DOCK5: variants seen among roughly 807,000 people sequenced by gnomAD.
The protein encoded by DOCK5 is dedicator of cytokinesis 5.
Under a neutral mutation model 251.8 loss-of-function variants are expected in DOCK5, and 142 were observed. That is an observed-to-expected ratio of 0.56 (90% CI 0.49 to 0.65). DOCK5 has a LOEUF of 0.65. Among genes scored for constraint, DOCK5 ranks in the 30% least tolerant of loss-of-function variants. DOCK5 has a pLI of 0.00. For missense variants in DOCK5, 2,111 were observed against 2,312.3 expected (o/e 0.91, Z 1.79); for synonymous variants, 842 against 835.5 (o/e 1.01, Z -0.13).
chr8:25,294,755 C>T (rs1804576675), intron 6 of DOCK5, among the ~76,000 whole-genome samples: 1 of 152,146 alleles, frequency 6.6e-6, no homozygotes, highest in Non-Finnish European at 1.5e-5. Flanking sequence ...GGTCTGTTGG[C>T]TGTACAGGCA....
At chr8:25,347,509 G>A (rs1041691467) in intron 26 of DOCK5, among the ~76,000 whole-genome samples, 3 of 152,036 alleles carry the variant, frequency 2.0e-5, no homozygotes, top group African/African-American at 4.8e-5. Context: ...CACCAAATAC[G>A]TAAATGTGAC....
intron 1 of DOCK5, among the ~76,000 whole-genome samples, chr8:25,218,736 G>A (rs1282363689): frequency 6.6e-6 from 1 of 152,240 alleles, no homozygotes; most frequent in Non-Finnish European, 1.5e-5. Context: ...GGACTGTCTT[G>A]TGTGGAGCCT....
chr8:25,222,787 C>T (rs539101869), intron 1 of DOCK5, among the ~76,000 whole-genome samples: 2 of 152,322 alleles, frequency 1.3e-5, no homozygotes, highest in East Asian at 1.9e-4. Flanking sequence ...TAGAGGCTGT[C>T]GGTCCTCAGC....
intron 1 of DOCK5, among the ~76,000 whole-genome samples, chr8:25,239,269 G>T (rs1187596806): frequency 2.0e-5 from 3 of 151,846 alleles, no homozygotes; most frequent in Non-Finnish European, 4.4e-5. Flanking sequence ...TTTGGGTCAG[G>T]CTTAGAGATC....
At chr8:25,364,853 G>T in intron 30 of DOCK5, 149 bp downstream of exon 30, 1 of 584,914 alleles carries the variant, frequency 1.7e-6, no homozygotes, top group Non-Finnish European at 3.0e-6. Flanking sequence ...ACATATGCCT[G>T]TCACACTGTC....
chr8:25,256,815 A>C (rs1434341590), intron 2 of DOCK5, among the ~76,000 whole-genome samples: 1 of 151,076 alleles, frequency 6.6e-6, no homozygotes, highest in Non-Finnish European at 1.5e-5. Context: ...GGCCCTGGTT[A>C]CTCAGTGCCA....
chr8:25,387,342 T>C (rs959395), intron 40 of DOCK5, among the ~76,000 whole-genome samples: 49,602 of 151,874 alleles, frequency 0.33, 8,969 homozygotes, highest in South Asian at 0.48. Flanking sequence ...TCACGCCCAG[T>C]TAATGTTTTT....
intron 34 of DOCK5, among the ~76,000 whole-genome samples, chr8:25,371,165 CT>C (rs1800866309): frequency 6.6e-6 from 1 of 151,578 alleles, no homozygotes; most frequent in Non-Finnish European, 1.5e-5. Flanking sequence ...CAACTGTATT[CT>C]TTTTTGAAGA....
chr8:25,247,908 A>G (rs1803158475), intron 2 of DOCK5, among the ~76,000 whole-genome samples: 2 of 152,196 alleles, frequency 1.3e-5, no homozygotes, highest in South Asian at 4.1e-4. Context: ...CGGATGCTGT[A>G]GTCCTGCCCG....
At chr8:25,264,081 G>A (rs968276669) in intron 2 of DOCK5, among the ~76,000 whole-genome samples, 4 of 151,868 alleles carry the variant, frequency 2.6e-5, no homozygotes, top group South Asian at 2.1e-4. Flanking sequence ...TATATCATTC[G>A]TCTGGGTGCG....
At chr8:25,191,174 T>A (rs1039374783) in intron 1 of DOCK5, among the ~76,000 whole-genome samples, 3 of 150,504 alleles carry the variant, frequency 2.0e-5, no homozygotes, top group African/African-American at 7.4e-5. Context: ...ATGGGGGGGG[T>A]CCATGAAATT....
chr8:25,328,868 C>T (rs547088282), intron 18 of DOCK5, among the ~76,000 whole-genome samples: 2 of 152,270 alleles, frequency 1.3e-5, no homozygotes, highest in Non-Finnish European at 2.9e-5. Flanking sequence ...GTCATTGCAC[C>T]CTCCAGCACC....
chr8:25,295,929 C>T (rs1804605177), intron 6 of DOCK5, among the ~76,000 whole-genome samples: 1 of 152,146 alleles, frequency 6.6e-6, no homozygotes, highest in South Asian at 2.1e-4. Context: ...AAGCCATCCT[C>T]ACACCTCAGC....
At chr8:25,273,370 A>G (rs961060676) in intron 3 of DOCK5, among the ~76,000 whole-genome samples, 3 of 152,148 alleles carry the variant, frequency 2.0e-5, no homozygotes, top group African/African-American at 7.2e-5. Flanking sequence ...GGCTGAGGTG[A>G]GCTGATCACT....
chr8:25,356,500 A>T (rs1481344145), intron 27 of DOCK5, among the ~76,000 whole-genome samples: 3 of 151,654 alleles, frequency 2.0e-5, no homozygotes, highest in African/African-American at 7.3e-5. Flanking sequence ...ACCCTGTCTT[A>T]AAAAAAATAC....
intron 1 of DOCK5, among the ~76,000 whole-genome samples, chr8:25,226,866 T>C (rs925515600): frequency 6.6e-6 from 1 of 152,236 alleles, no homozygotes; most frequent in African/African-American, 2.4e-5. Context: ...ATTACAGGCG[T>C]GAGCCACCGC....
chr8:25,200,440 T>A (rs1320646772), intron 1 of DOCK5, among the ~76,000 whole-genome samples: 4 of 152,224 alleles, frequency 2.6e-5, no homozygotes, highest in Non-Finnish European at 5.9e-5. Flanking sequence ...TTAAAAAGAT[T>A]CTGACGCAGT....
chr8:25,246,677 C>G (rs1483358214), intron 2 of DOCK5, among the ~76,000 whole-genome samples: 1 of 133,878 alleles, frequency 7.5e-6, no homozygotes, highest in East Asian at 2.2e-4. Flanking sequence ...AGATTTTGAC[C>G]TGGTAATTCT....
At chr8:25,380,171 C>A in intron 38 of DOCK5, 134 bp from the exon 39 acceptor site, 1 of 703,722 alleles carries the variant, frequency 1.4e-6, no homozygotes, top group Non-Finnish European at 2.5e-6. Flanking sequence ...AGGGATAAAG[C>A]GAGTGAGGAA....
Sources: gnomAD v4.1 joint callset for allele counts (sites outside exome capture counted in the v4.1 genomes callset) on GRCh38, gnomAD v4.1.1 for gene constraint, MANE v1.5 for transcripts, NCBI Gene and HGNC (gene_info 2026-07-23, HGNC 2026-07-21) for gene names.